VPS35: variants seen among roughly 807,000 people sequenced by gnomAD.
VPS35 encodes the protein VPS35 retromer complex component, also known as vacuolar protein sorting-associated protein 35.
Under a neutral mutation model 98.1 loss-of-function variants are expected in VPS35, and 21 were observed. That is an observed-to-expected ratio of 0.21 (90% CI 0.15 to 0.31). The LOEUF (loss-of-function observed/expected upper bound fraction) is 0.31. VPS35 is among the 10% of genes least tolerant of loss of function. The pLI is 1.00. For missense variants in VPS35, 554 were observed against 950.8 expected (o/e 0.58, Z 5.49); for synonymous variants, 268 against 318.2 (o/e 0.84, Z 1.68).
At chr16:46,686,854 T>A (rs1176009050) in intron 1 of VPS35, among the ~76,000 whole-genome samples, 1 of 152,212 alleles carries the variant, frequency 6.6e-6, no homozygotes, top group Non-Finnish European at 1.5e-5. Flanking sequence ...ATTAGTCCCA[T>A]TTTAGCTTGA....
Position 46,681,415 on chromosome 16 carries a change from G to A in VPS35, c.285C>T (p.Tyr95=), listed in dbSNP as rs375122817. 19 of 1,613,708 alleles carry A rather than the reference G, an allele frequency of 1.2e-5. No individual in the cohort carries two copies. Among genetic ancestry groups the A allele is most frequent in the East Asian group, 4.5e-5 (2 of 44,830 alleles). The part of the protein sequence containing the change: ...FAKGRKVADL[Y]ELVQYAGNII... ...TGTTTCCAGCATACTGTACAAGTTC[G>A]TAGAGATCTGCCACTTTCCTTCCTT... The change falls in exon 4 of 17, where the codon TAC becomes TAT. Residue 95 remains tyrosine (Y), a synonymous_variant. Coordinates refer to ENST00000299138, the MANE Select transcript of VPS35 (RefSeq NM_018206.6).
intron 16 of VPS35, chr16:46,660,865 G>A: frequency 1.8e-6 from 1 of 555,180 alleles, no homozygotes; most frequent in Non-Finnish European, 3.3e-6. Context: ...AGCAAAATTG[G>A]CTCGGCTCAG....
chr16:46,685,052 T>G (rs1439929923), intron 1 of VPS35, among the ~76,000 whole-genome samples: 1 of 152,202 alleles, frequency 6.6e-6, no homozygotes, highest in Non-Finnish European at 1.5e-5. Context: ...GGCACTGGCT[T>G]TCTTTTAGGG....
In VPS35 at chr16:46,687,100, A is replaced by C. The variant is rs80002109; in HGVS notation, c.3+2031T>G. Among the ~76,000 whole-genome samples, 92 of 152,362 alleles carry C rather than the reference A, an allele frequency of 6.0e-4. 1 individual carries two copies. In the East Asian group the frequency reaches 0.018, roughly 29 times the overall value. ...AAGTGCTATAATTATTATTCAGTTT[A>C]GATACAAATAATTATCTCCACTTAT... On this transcript the variant is annotated intron_variant, in intron 1 of 16. Transcript: ENST00000299138.
chr16:46,671,876 C>T lies in VPS35; in HGVS notation c.1369-16G>A, dbSNP rs143556068. ...TGGAATCCACCTGTAACATGCGAGG[C>T]ACAAGAAACCCACTGAGGTGAAACC... is the stretch of plus-strand genomic sequence containing the variant. On this transcript the variant is annotated splice_polypyrimidine_tract_variant and intron_variant, in intron 11 of 16. Coordinates refer to ENST00000299138, the MANE Select transcript of VPS35 (RefSeq NM_018206.6). 5.0e-6 allele frequency: 8 copies of T among 1,611,832 alleles called. No homozygotes were observed. The highest frequency in any genetic ancestry group is 6.8e-6 in the Non-Finnish European group (8 of 1,179,796).
chr16:46,660,070 A>G lies in VPS35; in HGVS notation c.*402T>C. ...AACTGGACTAGAAAACAAGAGACAG[A>G]CGCTTTTGGGTTAGTACTCCCCAGG... On this transcript the variant is annotated 3_prime_UTR_variant, in exon 17 of 17. Transcript: ENST00000299138. The G allele has an allele frequency of 6.2e-6, 1 of 162,402 alleles. No individual in the cohort carries two copies. The highest frequency in any genetic ancestry group is 1.3e-5 in the Non-Finnish European group (1 of 74,484). The allele number at this position is 162,402 out of a possible 1,614,324, so 10.1% of individuals were successfully genotyped here. A position where few individuals can be genotyped will look rare whatever the true frequency, so the allele number is the denominator to read the frequency against.
At chr16:46,688,572 T>C (rs1966361121) in intron 1 of VPS35, 8 of 993,330 alleles carry the variant, frequency 8.1e-6, no homozygotes, top group Non-Finnish European at 9.6e-6. Flanking sequence ...AGGAAATTCA[T>C]GTAAGCAGGT....
chr16:46,668,471 G>A (rs891897339), intron 13 of VPS35, among the ~76,000 whole-genome samples: 1 of 152,112 alleles, frequency 6.6e-6, no homozygotes, highest in Non-Finnish European at 1.5e-5. Context: ...TTTCAGGTAC[G>A]TGAGCTTGAG....
chr16:46,671,878 C>T lies in VPS35; in HGVS notation c.1369-18G>A, dbSNP rs760382288. 1.2e-6 allele frequency: 2 copies of T among 1,611,834 alleles called. No homozygotes were observed. The highest frequency in any genetic ancestry group is 1.7e-6 in the Non-Finnish European group (2 of 1,179,830). On this transcript the variant is annotated intron_variant, in intron 11 of 16. Coordinates refer to ENST00000299138, the MANE Select transcript of VPS35 (RefSeq NM_018206.6). ...GAATCCACCTGTAACATGCGAGGCA[C>T]AAGAAACCCACTGAGGTGAAACCAT...
chr16:46,686,187 C>T (rs1309178209), intron 1 of VPS35, among the ~76,000 whole-genome samples: 1 of 152,104 alleles, frequency 6.6e-6, no homozygotes, highest in African/African-American at 2.4e-5. Flanking sequence ...CTTCAATGTT[C>T]ATCCATGTTG....
intron 10 of VPS35, chr16:46,673,778 G>A (rs1447384162): frequency 6.5e-6 from 1 of 155,012 alleles, no homozygotes; most frequent in Non-Finnish European, 1.4e-5. Flanking sequence ...ACCACTTATG[G>A]AAATAAATAC....
intron 6 of VPS35, chr16:46,677,599 A>G: frequency 1.8e-6 from 1 of 557,104 alleles, no homozygotes; most frequent in Non-Finnish European, 3.2e-6. Flanking sequence ...GAAGTGGCAC[A>G]ATCTCCACTC....
intron 1 of VPS35, among the ~76,000 whole-genome samples, chr16:46,687,296 T>C (rs1966331548): frequency 6.6e-6 from 1 of 152,118 alleles, no homozygotes; most frequent in Admixed American, 6.5e-5. Context: ...ACAACTGAAG[T>C]AGAGAGAAAT....
chr16:46,668,563 A>G (rs1281303875), intron 13 of VPS35, among the ~76,000 whole-genome samples: 2 of 152,222 alleles, frequency 1.3e-5, no homozygotes, highest in East Asian at 3.9e-4. Flanking sequence ...AAAGTTGCCC[A>G]CAACTCATAT....
chr16:46,664,239 A>G (rs979571771), intron 13 of VPS35, among the ~76,000 whole-genome samples: 11 of 151,792 alleles, frequency 7.2e-5, no homozygotes, highest in African/African-American at 2.7e-4. Flanking sequence ...GCTCACTGCC[A>G]CCTCTGCCTC....
At position 46,658,462 on chromosome 16, in the gene VPS35, C is replaced by T. The variant is rs1203603655; in HGVS notation, c.*2010G>A. 1 of 153,772 alleles carries T rather than the reference C, an allele frequency of 6.5e-6. No individual in the cohort carries two copies. The highest frequency in any genetic ancestry group is 2.4e-5 in the African/African-American group (1 of 41,456). The allele number at this position is 153,772 out of a possible 1,614,324, so 9.5% of individuals were successfully genotyped here. On this transcript the variant is annotated 3_prime_UTR_variant, in exon 17 of 17. Coordinates refer to ENST00000299138, the MANE Select transcript of VPS35 (RefSeq NM_018206.6). Reference sequence around the variant, plus strand: ...AAGGATACTAGCAGTGCTTTTGTTTCACTTTTATTTACTTTTGTTGGTTTA... The same window carrying T: ...AAGGATACTAGCAGTGCTTTTGTTTTACTTTTATTTACTTTTGTTGGTTTA...
At chr16:46,670,701 C>T (rs1966056026) in intron 12 of VPS35, among the ~76,000 whole-genome samples, 1 of 152,230 alleles carries the variant, frequency 6.6e-6, no homozygotes, top group African/African-American at 2.4e-5. Context: ...AAGACAGTCA[C>T]TCTGTACAGA....
rs1372566046 is a variant in VPS35, at chr16:46,671,621, A to G, written c.1524+84T>C. 10 of 1,567,284 alleles carry G rather than the reference A, an allele frequency of 6.4e-6. No homozygotes were observed. The East Asian group carries it at 2.2e-4, about 35-fold the overall frequency. On this transcript the variant is annotated intron_variant, in intron 12 of 16. Transcript: ENST00000299138. Reference sequence around the variant, plus strand: ...TTCCTTCAAAACCATCTAAGACCAGAAAGTGAATTAAACCATTTTAAGCAC... The same window carrying G: ...TTCCTTCAAAACCATCTAAGACCAGGAAGTGAATTAAACCATTTTAAGCAC...
At chr16:46,679,829 TTG>T in intron 5 of VPS35, among the ~76,000 whole-genome samples, 1 of 152,280 alleles carries the variant, frequency 6.6e-6, no homozygotes, top group African/African-American at 2.4e-5. Context: ...TTTCTCTACA[TTG>T]TTAAATGTTT....
Sources: gnomAD v4.1 joint callset for allele counts (sites outside exome capture counted in the v4.1 genomes callset) on GRCh38, gnomAD v4.1.1 for gene constraint, MANE v1.5 for transcripts, NCBI Gene and HGNC (gene_info 2026-07-23, HGNC 2026-07-21) for gene names.